The following BCL7A variants were observed in gnomAD, a reference collection of about 807,000 sequenced individuals.
BCL7A encodes the protein B-cell CLL/lymphoma 7 protein family member A.
BCL7A carries 11 observed loss-of-function variants against 28.4 expected under a neutral mutation model. The ratio of observed to expected loss-of-function variants is 0.39; its 90% confidence interval spans 0.24 to 0.64. BCL7A has a LOEUF of 0.64. Among genes scored for constraint, BCL7A ranks in the 30% least tolerant of loss-of-function variants. The probability of loss-of-function intolerance (pLI) is 0.50; values close to 1 mark genes in which losing one functional copy is unlikely to be tolerated. For synonymous variants in BCL7A, 123 were observed against 103.3 expected, an observed-to-expected ratio of 1.19 and a Z score of -1.15; for missense variants, 222 against 274.8, an observed-to-expected ratio of 0.81 and a Z score of 1.36.
intron 4 of BCL7A, 84 bp from the exon 5 acceptor site, chr12:122,054,721 T>C: frequency 7.2e-7 from 1 of 1,389,954 alleles, no homozygotes; most frequent in Non-Finnish European, 9.9e-7. Flanking sequence ...ACTACCCGAT[T>C]CAAGGTATTT....
intron 4 of BCL7A, chr12:122,044,346 C>CA (rs201881815): frequency 0.021 from 4,519 of 217,962 alleles, 4 homozygotes; most frequent in Middle Eastern, 0.035. Context: ...TCATCTCTAC[C>CA]AAAAAAAAAA....
intron 4 of BCL7A, among the ~76,000 whole-genome samples, chr12:122,049,760 G>A (rs1884153457): frequency 6.6e-6 from 1 of 152,050 alleles, no homozygotes; most frequent in Non-Finnish European, 1.5e-5. Context: ...AGTCCTGCGG[G>A]GGGTCTGGTA....
At chr12:122,055,211 C>T (rs1380316554) in intron 5 of BCL7A, among the ~76,000 whole-genome samples, 1 of 152,204 alleles carries the variant, frequency 6.6e-6, no homozygotes, top group Non-Finnish European at 1.5e-5. Context: ...TACGTTTTGT[C>T]TGTTCAGGTT....
intron 5 of BCL7A, among the ~76,000 whole-genome samples, chr12:122,055,716 T>A (rs1951873727): frequency 6.6e-6 from 1 of 152,160 alleles, no homozygotes; most frequent in Non-Finnish European, 1.5e-5. Context: ...CCTCCTGGAT[T>A]CAAGCAATTC....
Position 122,022,100 on chromosome 12 carries a change from C to G in BCL7A, c.9C>G (p.Gly3=). MS[G]RSVRAETRSR... is the part of the protein sequence containing the mutation. Reference sequence around the variant, plus strand: ...GTCTCCCCGCCGGAACCATGTCGGGCAGGTCGGTTCGAGCCGAGACGAGGA... The same window carrying G: ...GTCTCCCCGCCGGAACCATGTCGGGGAGGTCGGTTCGAGCCGAGACGAGGA... Residue 3 remains glycine, a synonymous_variant, in exon 1 of 6, where the codon GGC becomes GGG. Coordinates refer to ENST00000261822, the MANE Select transcript of BCL7A (RefSeq NM_001024808.3). 6.4e-7 allele frequency: 1 copy of G among 1,570,624 alleles called. No individual in the cohort carries two copies.
intron 3 of BCL7A, among the ~76,000 whole-genome samples, chr12:122,038,616 G>A (rs966654970): frequency 6.6e-6 from 1 of 151,896 alleles, no homozygotes; most frequent in South Asian, 2.1e-4. Flanking sequence ...TTCCCTCTGG[G>A]GACTGGGGAG....
At chr12:122,058,207 T>C (rs896142948) in intron 5 of BCL7A, among the ~76,000 whole-genome samples, 1 of 151,968 alleles carries the variant, frequency 6.6e-6, no homozygotes. Flanking sequence ...AAAAAAATTA[T>C]AAAAAGAACT....
intron 5 of BCL7A, 94 bp from the exon 6 acceptor site, chr12:122,058,998 C>T (rs1328447273): frequency 1.1e-5 from 12 of 1,106,298 alleles, no homozygotes; most frequent in African/African-American, 6.2e-5. Context: ...CGCCCCCGCT[C>T]GGTTCCTTCC....
chr12:122,044,407 C>T (rs186067466), intron 4 of BCL7A: 47 of 201,444 alleles, frequency 2.3e-4, no homozygotes, highest in Admixed American at 8.2e-4. Flanking sequence ...CTCAGGAGGC[C>T]GAGGTCGGAG....
intron 4 of BCL7A, among the ~76,000 whole-genome samples, chr12:122,045,867 T>C (rs897565651): frequency 6.6e-6 from 1 of 151,658 alleles, no homozygotes; most frequent in Non-Finnish European, 1.5e-5. Flanking sequence ...GGCAGGAGGA[T>C]CTTTTGAGCC....
intron 3 of BCL7A, among the ~76,000 whole-genome samples, chr12:122,039,526 T>TATATA (rs1236532720): frequency 1.3e-4 from 19 of 142,110 alleles, no homozygotes; most frequent in African/African-American, 4.7e-4. Flanking sequence ...TTATATATAT[T>TATATA]ATATAATATA....
chr12:122,046,920 T>TC (rs1884088104), intron 4 of BCL7A, among the ~76,000 whole-genome samples: 1 of 151,552 alleles, frequency 6.6e-6, no homozygotes, highest in Non-Finnish European at 1.5e-5. Context: ...TTTTTTTTTT[T>TC]CCAGACGGAG....
At chr12:122,027,502 C>T (rs1883653061) in intron 1 of BCL7A, among the ~76,000 whole-genome samples, 3 of 151,930 alleles carry the variant, frequency 2.0e-5, no homozygotes, top group Non-Finnish European at 4.4e-5. Context: ...ATCGCACCAC[C>T]GCACTCCAGC....
intron 2 of BCL7A, among the ~76,000 whole-genome samples, chr12:122,034,197 A>G (rs1344630721): frequency 7.5e-3 from 7 of 936 alleles, no homozygotes; most frequent in African/African-American, 0.04. Flanking sequence ...TTTCATATAT[A>G]TATATATATA....
At chr12:122,038,441 A>C (rs1453028621) in intron 3 of BCL7A, among the ~76,000 whole-genome samples, 24 of 150,224 alleles carry the variant, frequency 1.6e-4, no homozygotes, top group African/African-American at 5.8e-4. Context: ...CAAAAAAAAA[A>C]AAAAAAAAAA....
In BCL7A at chr12:122,059,413, G is replaced by C. The variant is rs1951901687; in HGVS notation, c.*250G>C. 1 of 446,766 alleles carries C rather than the reference G, an allele frequency of 2.2e-6. No individual in the cohort carries two copies. Among genetic ancestry groups the C allele is most frequent in the African/African-American group, 2.0e-5 (1 of 51,110 alleles). The allele number at this position is 446,766 out of a possible 1,614,324, so 27.7% of individuals were successfully genotyped here. On this transcript the variant is annotated 3_prime_UTR_variant, in exon 6 of 6. Transcript: ENST00000261822. The surrounding 1 kb of genome is among the most constrained non-coding windows in gnomAD (Gnocchi z 4.0). ...GAGGCAGGCGGGGCTGACAGCTCAG[G>C]AGTGTCTGCACACTGTCTCGGAAGC...
intron 5 of BCL7A, 90 bp downstream of exon 5, chr12:122,055,016 T>G: frequency 6.2e-7 from 1 of 1,605,638 alleles, no homozygotes; most frequent in Non-Finnish European, 8.5e-7. Flanking sequence ...TTCGTCATTG[T>G]GTTTTGTTGT....
Position 122,061,663 on chromosome 12 carries a change from A to C in BCL7A, c.*2500A>C, listed in dbSNP as rs1951924511. 1.3e-5 allele frequency: 3 copies of C among 223,580 alleles called. No individual in the cohort carries two copies. Among genetic ancestry groups the C allele is most frequent in the African/African-American group, 2.3e-5 (1 of 44,246 alleles). The allele number at this position is 223,580 out of a possible 1,614,324, so 13.8% of individuals were successfully genotyped here. A position where few individuals can be genotyped will look rare whatever the true frequency, so the allele number is the denominator to read the frequency against. ...CGAGCAAAAGCCTTCCGTGGACATC[A>C]GGCCCCGTGGCCTCAAGGGCTCCCA... is the stretch of plus-strand genomic sequence containing the variant. On this transcript the variant is annotated 3_prime_UTR_variant, in exon 6 of 6. Coordinates refer to ENST00000261822, the MANE Select transcript of BCL7A (RefSeq NM_001024808.3).
At chr12:122,054,147 C>T (rs551131156) in intron 4 of BCL7A, among the ~76,000 whole-genome samples, 36 of 152,270 alleles carry the variant, frequency 2.4e-4, no homozygotes, top group South Asian at 2.1e-4. Context: ...TGCAGTGGCG[C>T]GATCTCGGCT....
Sources: gnomAD v4.1 joint callset for allele counts (sites outside exome capture counted in the v4.1 genomes callset) on GRCh38, gnomAD v4.1.1 for gene constraint, Gnocchi (gnomAD v3.1) non-coding constraint, MANE v1.5 for transcripts, NCBI Gene and HGNC (gene_info 2026-07-23, HGNC 2026-07-21) for gene names.